PTPRD: variants seen among roughly 807,000 people sequenced by gnomAD.
PTPRD encodes the protein protein tyrosine phosphatase receptor type D.
A neutral mutation model predicts 214.5 loss-of-function variants in PTPRD; 34 were observed. The observed-to-expected ratio is 0.16, with a 90% confidence interval of 0.12 to 0.21. PTPRD has a LOEUF of 0.21. PTPRD is among the 10% of genes least tolerant of loss of function. The probability of loss-of-function intolerance (pLI) is 1.00; values close to 1 mark genes in which losing one functional copy is unlikely to be tolerated. For missense variants in PTPRD, 2,545 were observed against 2,398.7 expected (o/e 1.06, Z -1.27); for synonymous variants, 1,128 against 845.7 (o/e 1.33, Z -5.79).
rs142076639 is a variant in PTPRD at position 9,850,998 on chromosome 9, T to G, written c.-367-84147A>C. Among the ~76,000 whole-genome samples, 866 of 152,294 alleles carry G rather than the reference T, an allele frequency of 5.7e-3. 8 individuals are homozygous for G. Among genetic ancestry groups the G allele is most frequent in the African/African-American group, 0.02 (827 of 41,570 alleles). ...AACCAGAAAGACCTTAGTTGCCACC[T>G]GCTAGCTATGTGATTTTAGACAAAA... is the stretch of plus-strand genomic sequence containing the variant. On this transcript the variant is annotated intron_variant, in intron 5 of 45. Coordinates refer to ENST00000381196, the MANE Select transcript of PTPRD (RefSeq NM_002839.4).
chr9:10,491,730 A>G (rs1183602800), intron 2 of PTPRD, among the ~76,000 whole-genome samples: 1 of 151,034 alleles, frequency 6.6e-6, no homozygotes, highest in Non-Finnish European at 1.5e-5. Context: ...TTTTTTTATT[A>G]TACTTTAAGT....
At chr9:8,726,777 G>A (rs1187275482) in intron 12 of PTPRD, among the ~76,000 whole-genome samples, 3 of 135,218 alleles carry the variant, frequency 2.2e-5, no homozygotes, top group Admixed American at 7.9e-5. Flanking sequence ...CTCCAGCCTC[G>A]GTGACAGAGT....
At chr9:10,555,619 C>T (rs769883086) in intron 2 of PTPRD, among the ~76,000 whole-genome samples, 7 of 152,068 alleles carry the variant, frequency 4.6e-5, no homozygotes, top group African/African-American at 9.7e-5. Flanking sequence ...TTCTAATTAC[C>T]GGCCTTGAAA....
At chr9:9,632,612 G>T (rs537347376) in intron 7 of PTPRD, among the ~76,000 whole-genome samples, 1 of 141,924 alleles carries the variant, frequency 7.0e-6, no homozygotes, top group Non-Finnish European at 1.5e-5. Flanking sequence ...AAGAGAGAAA[G>T]TTAAAAAAAA....
intron 3 of PTPRD, among the ~76,000 whole-genome samples, chr9:10,183,537 CAGAG>C (rs898595592): frequency 1.2e-4 from 19 of 152,006 alleles, no homozygotes; most frequent in African/African-American, 3.4e-4. Flanking sequence ...TTAAAAGAGA[CAGAG>C]AGAATATGAG....
intron 4 of PTPRD, among the ~76,000 whole-genome samples, chr9:9,978,925 A>T (rs2095450358): frequency 2.0e-5 from 3 of 152,238 alleles, no homozygotes; most frequent in African/African-American, 7.2e-5. Context: ...CAACAACAAC[A>T]AAAGAATTAC....
intron 2 of PTPRD, among the ~76,000 whole-genome samples, chr9:10,456,452 G>A (rs2098917962): frequency 6.6e-6 from 1 of 151,894 alleles, no homozygotes; most frequent in Non-Finnish European, 1.5e-5. Context: ...AGATCAAAGT[G>A]AGAACTTTAA....
intron 14 of PTPRD, among the ~76,000 whole-genome samples, chr9:8,632,517 T>C (rs1000528137): frequency 1.3e-5 from 2 of 151,886 alleles, no homozygotes; most frequent in African/African-American, 4.8e-5. Context: ...GAGAAAGAGA[T>C]AAAGGCACAG....
At chr9:10,201,146 T>C (rs974414074) in intron 3 of PTPRD, among the ~76,000 whole-genome samples, 1 of 151,822 alleles carries the variant, frequency 6.6e-6, no homozygotes, top group African/African-American at 2.4e-5. Context: ...GACAGTGCAA[T>C]GGTGAAAGAA....
chr9:10,517,483 T>C (rs1379596543), intron 2 of PTPRD, among the ~76,000 whole-genome samples: 1 of 152,084 alleles, frequency 6.6e-6, no homozygotes, highest in Non-Finnish European at 1.5e-5. Flanking sequence ...TCTAGGGTTT[T>C]CTACACATAA....
intron 9 of PTPRD, among the ~76,000 whole-genome samples, chr9:9,210,249 AT>A (rs2132758051): frequency 6.6e-6 from 1 of 152,240 alleles, no homozygotes; most frequent in South Asian, 2.1e-4. Context: ...TCCACAAATA[AT>A]GTATTGGCTG....
intron 11 of PTPRD, among the ~76,000 whole-genome samples, chr9:8,893,138 T>C (rs575006105): frequency 1.3e-5 from 2 of 152,182 alleles, no homozygotes; most frequent in East Asian, 1.9e-4. Context: ...TAGAAGACAT[T>C]TGAAGAGTTT....
intron 4 of PTPRD, among the ~76,000 whole-genome samples, chr9:9,996,330 A>G (rs2096121286): frequency 6.6e-6 from 1 of 152,202 alleles, no homozygotes; most frequent in Non-Finnish European, 1.5e-5. Flanking sequence ...GTAATTTGTT[A>G]CACAATATTA....
chr9:10,346,385 G>C (rs1011912208), intron 2 of PTPRD, among the ~76,000 whole-genome samples: 27 of 152,096 alleles, frequency 1.8e-4, no homozygotes, highest in Non-Finnish European at 3.7e-4. Flanking sequence ...AGGAGGTTCA[G>C]AATGTTTAGG....
chr9:9,607,745 T>TAAAA (rs61080071), intron 7 of PTPRD, among the ~76,000 whole-genome samples: 18 of 140,768 alleles, frequency 1.3e-4, no homozygotes, highest in African/African-American at 4.5e-4. Flanking sequence ...AGACTGTTAG[T>TAAAA]AAAAAAAAAA....
intron 5 of PTPRD, among the ~76,000 whole-genome samples, chr9:9,810,442 T>C (rs1225953803): frequency 6.6e-6 from 1 of 152,068 alleles, no homozygotes. Context: ...ATAGGTTGAA[T>C]CCAATGCTGA....
At position 10,155,013 on chromosome 9, in the gene PTPRD, T is replaced by A. The variant is rs145989094; in HGVS notation, c.-544-121223A>T. Among the ~76,000 whole-genome samples, 1,270 of 152,232 alleles carry A rather than the reference T, an allele frequency of 8.3e-3. 15 individuals carry two copies. The highest frequency in any genetic ancestry group is 0.013 in the Non-Finnish European group (912 of 67,992). ...AATTGGTAGTTTCATAATAATAGTA[T>A]TGAATCTTTGAATTGTTTTGGGAAG... On this transcript the variant is annotated intron_variant, in intron 3 of 45. Transcript: ENST00000381196.
chr9:8,772,692 T>C (rs2095285935), intron 11 of PTPRD, among the ~76,000 whole-genome samples: 1 of 152,194 alleles, frequency 6.6e-6, no homozygotes, highest in Admixed American at 6.5e-5. Flanking sequence ...AATGTTCTTG[T>C]CTGCTAACTC....
At chr9:9,769,075 C>T (rs756670355) in intron 5 of PTPRD, among the ~76,000 whole-genome samples, 25 of 150,340 alleles carry the variant, frequency 1.7e-4, no homozygotes, top group Non-Finnish European at 3.5e-4. Context: ...TTAATATAGG[C>T]TAATATTAGG....
Sources: gnomAD v4.1 joint callset for allele counts (sites outside exome capture counted in the v4.1 genomes callset) on GRCh38, gnomAD v4.1.1 for gene constraint, MANE v1.5 for transcripts, NCBI Gene and HGNC (gene_info 2026-07-23, HGNC 2026-07-21) for gene names.